Variants in BRMS1L observed in about 807,000 individuals in gnomAD.
BRMS1L encodes the protein breast cancer metastasis-suppressor 1-like protein.
Under a neutral mutation model 50.3 loss-of-function variants are expected in BRMS1L, and 23 were observed. The ratio of observed to expected loss-of-function variants is 0.46; its 90% CI spans 0.33 to 0.65. The LOEUF (loss-of-function observed/expected upper bound fraction) is 0.65. BRMS1L is among the 30% of genes least tolerant of loss of function. The pLI is 0.02. For synonymous variants in BRMS1L, 114 were observed against 126.9 expected (o/e 0.90, Z 0.69); for missense variants, 286 against 386.1 (o/e 0.74, Z 2.17).
chr14:35,855,558 C>A (rs2078269095), intron 4 of BRMS1L, among the ~76,000 whole-genome samples: 1 of 152,130 alleles, frequency 6.6e-6, no homozygotes, highest in Admixed American at 6.6e-5. Flanking sequence ...TCTCTTCTAT[C>A]ATTTTTCAGC....
Position 35,837,791 on chromosome 14 carries a change from G to A in BRMS1L, c.441+2868G>A, listed in dbSNP as rs184873027. ...GCTGCTGTCGAACTCCTGACCTCAG[G>A]TGATCCGCCTGCCTTGACCTAAAAT... On this transcript the variant is annotated intron_variant, in intron 4 of 9. Coordinates refer to ENST00000216807, the MANE Select transcript of BRMS1L (RefSeq NM_032352.4). Among the ~76,000 whole-genome samples the A allele has an allele frequency of 3.5e-3, 538 of 152,228 alleles. 3 individuals carry two copies. The highest frequency in any genetic ancestry group is 4.5e-3 in the Non-Finnish European group (309 of 68,018).
In BRMS1L at chr14:35,836,696, T is replaced by G. The variant is rs527920213; in HGVS notation, c.441+1773T>G. Reference sequence around the variant, plus strand: ...TGTATTTTCCTTTAAAAGTTGAAATTTTGCTTTCAATATTTAGATTGCAAA... The same window carrying G: ...TGTATTTTCCTTTAAAAGTTGAAATGTTGCTTTCAATATTTAGATTGCAAA... On this transcript the variant is annotated intron_variant, in intron 4 of 9. Transcript: ENST00000216807. 5.9e-5 allele frequency among the ~76,000 whole-genome samples: 9 copies of G among 152,272 alleles called. No individual in the cohort carries two copies. The South Asian group carries it at 1.9e-3, about 32-fold the overall frequency.
intron 5 of BRMS1L, among the ~76,000 whole-genome samples, chr14:35,863,404 A>G (rs868603218): frequency 1.3e-5 from 2 of 152,174 alleles, no homozygotes; most frequent in South Asian, 2.1e-4. Flanking sequence ...TATCTGTTAT[A>G]AAGTTTAGTT....
chr14:35,861,097 C>T (rs1021140652), intron 4 of BRMS1L, among the ~76,000 whole-genome samples: 2 of 152,030 alleles, frequency 1.3e-5, no homozygotes, highest in Admixed American at 1.3e-4. Context: ...AGGGAGAGAA[C>T]TTTCCAAGAA....
intron 3 of BRMS1L, 141 bp downstream of exon 3, chr14:35,833,246 C>A: frequency 2.5e-6 from 2 of 810,466 alleles, no homozygotes; most frequent in African/African-American, 1.8e-5. Context: ...TTTAGTTAGC[C>A]CACAGTTACT....
At chr14:35,857,005 C>T (rs1010063023) in intron 4 of BRMS1L, among the ~76,000 whole-genome samples, 1 of 151,972 alleles carries the variant, frequency 6.6e-6, no homozygotes, top group African/African-American at 2.4e-5. Context: ...CTTTGGGAGG[C>T]CAAGGCGGGC....
At chr14:35,826,759 G>A in intron 1 of BRMS1L, 101 bp downstream of exon 1, 1 of 1,500,614 alleles carries the variant, frequency 6.7e-7, no homozygotes, top group Non-Finnish European at 8.9e-7. Context: ...AAGCGGGGCG[G>A]GGACAGAGGG....
intron 4 of BRMS1L, among the ~76,000 whole-genome samples, chr14:35,857,687 T>G (rs539896306): frequency 1.4e-4 from 21 of 152,254 alleles, no homozygotes; most frequent in Non-Finnish European, 2.5e-4. Context: ...AGCTGAGGAT[T>G]TTTCTGTTTC....
At chr14:35,857,482 T>C (rs2078296527) in intron 4 of BRMS1L, among the ~76,000 whole-genome samples, 1 of 151,866 alleles carries the variant, frequency 6.6e-6, no homozygotes, top group Non-Finnish European at 1.5e-5. Flanking sequence ...CATATTCCTT[T>C]CTTAAAAAAA....
Position 35,868,086 on chromosome 14 carries a change from G to A in BRMS1L, c.854+54G>A, listed in dbSNP as rs1001305678. On this transcript the variant is annotated intron_variant, in intron 9 of 9. Coordinates refer to ENST00000216807, the MANE Select transcript of BRMS1L (RefSeq NM_032352.4). ...GCTCAGTATTGTCATTTACAACATC[G>A]TTGTCAGTGAAATATTTCCTGCCTC... is the stretch of plus-strand genomic sequence containing the variant. 2.8e-5 allele frequency: 42 copies of A among 1,506,320 alleles called. 2 individuals carry two copies. Among genetic ancestry groups the A allele is most frequent in the African/African-American group, 2.3e-4 (16 of 70,638 alleles). The allele number at this position is 1,506,320 out of a possible 1,614,324, so 93.3% of individuals were successfully genotyped here. A position where few individuals can be genotyped will look rare whatever the true frequency, so the allele number is the denominator to read the frequency against.
intron 4 of BRMS1L, among the ~76,000 whole-genome samples, chr14:35,848,138 G>A (rs944034902): frequency 6.6e-6 from 1 of 152,064 alleles, no homozygotes; most frequent in Non-Finnish European, 1.5e-5. Flanking sequence ...TTTTAAAAAA[G>A]CAATTAATTT....
intron 1 of BRMS1L, among the ~76,000 whole-genome samples, chr14:35,827,130 G>A (rs1019801910): frequency 9.2e-5 from 14 of 152,134 alleles, no homozygotes; most frequent in Non-Finnish European, 2.1e-4. Context: ...GTGTCTTTTC[G>A]GGGGCTAACT....
chr14:35,845,204 T>G (rs1030970348), intron 4 of BRMS1L, among the ~76,000 whole-genome samples: 1 of 152,228 alleles, frequency 6.6e-6, no homozygotes, highest in Non-Finnish European at 1.5e-5. Context: ...ATTCTCATCT[T>G]CCTCTTATTT....
At chr14:35,840,706 A>G (rs2078052120) in intron 4 of BRMS1L, among the ~76,000 whole-genome samples, 1 of 152,138 alleles carries the variant, frequency 6.6e-6, no homozygotes, top group South Asian at 2.1e-4. Flanking sequence ...CTGTGGGATC[A>G]GTGGTGATAT....
intron 4 of BRMS1L, among the ~76,000 whole-genome samples, chr14:35,840,220 C>T (rs536805908): frequency 1.1e-4 from 16 of 152,200 alleles, no homozygotes; most frequent in African/African-American, 3.9e-4. Context: ...GGTATGAAGC[C>T]GACTTGATTA....
chr14:35,843,638 T>C (rs1320361466), intron 4 of BRMS1L, among the ~76,000 whole-genome samples: 2 of 152,210 alleles, frequency 1.3e-5, no homozygotes, highest in Non-Finnish European at 2.9e-5. Context: ...GGGAGGTGTC[T>C]CCCAGTCTGG....
Position 35,826,481 on chromosome 14 carries a change from G to A in BRMS1L, c.-36G>A. 1 of 1,556,588 alleles carries A rather than the reference G, an allele frequency of 6.4e-7. No homozygotes were observed. The highest frequency in any genetic ancestry group is 8.7e-7 in the Non-Finnish European group (1 of 1,150,358). ...CATTGAAGCGGCGGTGGCCGGGCTGGGCGCCGGTAGTGGAAAGCGACGGCG... is the reference window on the plus strand; with the variant it reads ...CATTGAAGCGGCGGTGGCCGGGCTGAGCGCCGGTAGTGGAAAGCGACGGCG... On this transcript the variant is annotated 5_prime_UTR_variant, in exon 1 of 10. Coordinates refer to ENST00000216807, the MANE Select transcript of BRMS1L (RefSeq NM_032352.4).
In BRMS1L at chr14:35,826,362, G is replaced by T. The variant is rs916843507; in HGVS notation, c.-155G>T. The T allele has an allele frequency of 2.7e-6, 3 of 1,126,164 alleles. No individual in the cohort carries two copies. The highest frequency in any genetic ancestry group is 1.6e-5 in the African/African-American group (1 of 64,008). 69.8% of individuals were successfully genotyped at this position (1,126,164 alleles called of 1,614,324 possible). The stretch of plus-strand genomic sequence containing the variant: ...CAGAGCTCCCATCGCAGAGCCTGCG[G>T]GTTAGGTTGTGAGGCCCGGGCCGGG... On this transcript the variant is annotated 5_prime_UTR_variant, in exon 1 of 10. Transcript: ENST00000216807.
intron 7 of BRMS1L, among the ~76,000 whole-genome samples, chr14:35,865,223 T>A (rs982157968): frequency 7.9e-5 from 12 of 152,236 alleles, no homozygotes; most frequent in Non-Finnish European, 1.8e-4. Flanking sequence ...TATAATAATG[T>A]AACTAATAAT....
Sources: gnomAD v4.1 joint callset for allele counts (sites outside exome capture counted in the v4.1 genomes callset) on GRCh38, gnomAD v4.1.1 for gene constraint, MANE v1.5 for transcripts, NCBI Gene and HGNC (gene_info 2026-07-23, HGNC 2026-07-21) for gene names.